The following MAPT variants were observed in gnomAD, a reference collection of about 807,000 sequenced individuals.
MAPT encodes the protein microtubule associated protein tau, also known as microtubule-associated protein tau.
A neutral mutation model predicts 67.9 loss-of-function variants in MAPT; 34 were observed. The observed-to-expected ratio is 0.50, with a 90% CI of 0.38 to 0.67. MAPT has a LOEUF of 0.67. Among genes scored for constraint, MAPT ranks in the 30% least tolerant of loss-of-function variants. MAPT has a pLI of 0.00. For missense variants in MAPT, 881 were observed against 1,115.2 expected, an observed-to-expected ratio of 0.79 and a Z score of 2.99; for synonymous variants, 456 against 464.5, an observed-to-expected ratio of 0.98 and a Z score of 0.23.
At chr17:46,012,367 G>C (rs1006896472) in intron 10 of MAPT, among the ~76,000 whole-genome samples, 1 of 152,100 alleles carries the variant, frequency 6.6e-6, no homozygotes, top group Non-Finnish European at 1.5e-5. Context: ...GCTCGTCTGC[G>C]GGCTAGCCTG....
intron 1 of MAPT, among the ~76,000 whole-genome samples, chr17:45,962,070 T>C (rs1330826132): frequency 6.6e-6 from 1 of 152,166 alleles, no homozygotes; most frequent in Non-Finnish European, 1.5e-5. Flanking sequence ...CCACCATGCC[T>C]GGCCGTCACC....
At chr17:45,919,069 A>G (rs1479895732) in intron 1 of MAPT, among the ~76,000 whole-genome samples, 1 of 151,862 alleles carries the variant, frequency 6.6e-6, no homozygotes, top group African/African-American at 2.4e-5. Context: ...CTCAATAAAA[A>G]AAAAAAAAAA....
chr17:45,914,062 G>A (rs1328654672), intron 1 of MAPT, among the ~76,000 whole-genome samples: 2 of 152,180 alleles, frequency 1.3e-5, no homozygotes, highest in African/African-American at 4.8e-5. Flanking sequence ...AAAAAAGGAG[G>A]AGGGATTTAA....
intron 1 of MAPT, among the ~76,000 whole-genome samples, chr17:45,944,809 G>A (rs2068321296): frequency 1.3e-5 from 2 of 152,160 alleles, no homozygotes; most frequent in African/African-American, 4.8e-5. Context: ...AGGTGCTGCT[G>A]AGGCAACGCC....
chr17:46,020,013 CAAAA>C (rs34260992), intron 12 of MAPT, among the ~76,000 whole-genome samples: 23 of 123,478 alleles, frequency 1.9e-4, no homozygotes, highest in East Asian at 2.4e-4. Context: ...TTCCATCTCA[CAAAA>C]AAAAAAAAAA....
chr17:45,936,833 G>A lies in MAPT; in HGVS notation c.-17-25488G>A, dbSNP rs143439645. Among the ~76,000 whole-genome samples the A allele has an allele frequency of 1.3e-3, 198 of 152,226 alleles. 1 individual carries two copies. The highest frequency in any genetic ancestry group is 4.5e-3 in the African/African-American group (188 of 41,540). ...AGCCTTCTTCTGTTTCAGGCCAACC[G>A]CAGGTGTGTTCCTGAACACCCAGGA... On this transcript the variant is annotated intron_variant, in intron 1 of 12. Transcript: ENST00000262410.
intron 1 of MAPT, among the ~76,000 whole-genome samples, chr17:45,918,844 G>T (rs956925236): frequency 1.3e-5 from 2 of 152,134 alleles, no homozygotes; most frequent in African/African-American, 4.8e-5. Flanking sequence ...GATCACTTGA[G>T]GTCAGGAATT....
chr17:46,013,996 C>A (rs2075993859), intron 10 of MAPT, among the ~76,000 whole-genome samples: 1 of 152,156 alleles, frequency 6.6e-6, no homozygotes. Flanking sequence ...TGAAGACACT[C>A]CAGTCCCACA....
chr17:45,919,140 C>T (rs2144346012), intron 1 of MAPT, among the ~76,000 whole-genome samples: 1 of 152,072 alleles, frequency 6.6e-6, no homozygotes, highest in African/African-American at 2.4e-5. Context: ...TCTGTGGTAC[C>T]TTGTTGTGGG....
chr17:45,978,158 A>G (rs929190473), intron 3 of MAPT: 2 of 606,626 alleles, frequency 3.3e-6, no homozygotes, highest in African/African-American at 3.7e-5. Context: ...CTACACCTGC[A>G]TGTGGGTGCT....
At chr17:45,918,800 G>A (rs969802768) in intron 1 of MAPT, among the ~76,000 whole-genome samples, 1 of 152,226 alleles carries the variant, frequency 6.6e-6, no homozygotes, top group African/African-American at 2.4e-5. Context: ...GCTCACGCCT[G>A]TAATCCCAGC....
intron 1 of MAPT, among the ~76,000 whole-genome samples, chr17:45,952,095 G>C (rs959620793): frequency 1.3e-5 from 2 of 152,252 alleles, no homozygotes; most frequent in African/African-American, 4.8e-5. Context: ...ATCTGTGGGT[G>C]ATGACACGTC....
chr17:46,018,965 CA>C, intron 12 of MAPT, among the ~76,000 whole-genome samples: 1 of 152,284 alleles, frequency 6.6e-6, no homozygotes, highest in South Asian at 2.1e-4. Context: ...CAATGGGTCT[CA>C]GGGGCAGCTC....
chr17:46,013,221 C>A (rs2075943042), intron 10 of MAPT, among the ~76,000 whole-genome samples: 1 of 152,120 alleles, frequency 6.6e-6, no homozygotes, highest in Non-Finnish European at 1.5e-5. Context: ...CCCCCTTGCA[C>A]CCTCAGGTGA....
At chr17:45,989,148 A>G (rs1422134447) in intron 6 of MAPT, among the ~76,000 whole-genome samples, 1 of 152,092 alleles carries the variant, frequency 6.6e-6, no homozygotes, top group Non-Finnish European at 1.5e-5. Context: ...AATTGAGTAG[A>G]AAGTAAGGCC....
intron 12 of MAPT, among the ~76,000 whole-genome samples, chr17:46,021,033 C>A (rs2076496697): frequency 6.6e-6 from 1 of 152,252 alleles, no homozygotes; most frequent in Non-Finnish European, 1.5e-5. Flanking sequence ...CCGCCCTCCC[C>A]TCTTGCCACT....
chr17:46,002,715 A>G (rs2145915207), intron 9 of MAPT, among the ~76,000 whole-genome samples: 1 of 152,344 alleles, frequency 6.6e-6, no homozygotes, highest in South Asian at 2.1e-4. Flanking sequence ...CAAGATGGCA[A>G]TAGAATGCTG....
At chr17:45,948,750 T>G (rs984492697) in intron 1 of MAPT, among the ~76,000 whole-genome samples, 4 of 152,198 alleles carry the variant, frequency 2.6e-5, no homozygotes, top group Non-Finnish European at 5.9e-5. Context: ...GTGAATTAAA[T>G]GAGGTAATAA....
chr17:46,000,845 C>T (rs1367127149), intron 9 of MAPT, among the ~76,000 whole-genome samples: 6 of 152,234 alleles, frequency 3.9e-5, no homozygotes, highest in Admixed American at 6.5e-5. Flanking sequence ...CCCCTGGTTC[C>T]CACATCCCCT....
Sources: allele counts gnomAD v4.1 joint callset (sites outside exome capture counted in the v4.1 genomes callset), GRCh38; gene constraint gnomAD v4.1.1; transcripts MANE v1.5; gene names NCBI Gene and HGNC (gene_info 2026-07-23, HGNC 2026-07-21).